RASGRF1: variants seen among roughly 807,000 people sequenced by gnomAD.
RASGRF1 encodes ras-specific guanine nucleotide-releasing factor 1.
A neutral mutation model predicts 138.7 loss-of-function variants in RASGRF1; 40 were observed. That is an observed-to-expected ratio of 0.29 (90% CI 0.22 to 0.38). RASGRF1 has a LOEUF of 0.38. Ranked by LOEUF, RASGRF1 falls within the 10% of genes least tolerant of loss-of-function variation. The pLI is 1.00. For missense variants in RASGRF1, 1,108 were observed against 1,650.4 expected, an observed-to-expected ratio of 0.67 and a Z score of 5.69; for synonymous variants, 614 against 663.2, an observed-to-expected ratio of 0.93 and a Z score of 1.14.
intron 1 of RASGRF1, among the ~76,000 whole-genome samples, chr15:79,069,389 A>G (rs2057724605): frequency 2.6e-5 from 4 of 152,184 alleles, no homozygotes; most frequent in Admixed American, 2.6e-4. Flanking sequence ...ACACAGGCCC[A>G]TGTGGGGATG....
rs2057401465 is a variant in RASGRF1, at chr15:79,049,549, T to C, written c.571A>G (p.Thr191Ala). ...LLKDNERIQS[T>A]QTVAPNDEDS... is the part of the protein sequence containing the mutation. ...TCATCGTTGGGGGCGACAGTCTGGG[T>C]GGACTGGATGCGCTCATTGTCCTTG... Residue 191 changes from threonine (T) to alanine (A), a missense_variant, in exon 4 of 27, where the codon ACC becomes GCC. Thr to Ala is a moderately conservative substitution (Grantham distance 58). Around this residue, in one of 3 missense-constraint regions of RASGRF1, gnomAD observed 253 missense variants for 329.5 expected, o/e 0.77. Coordinates refer to ENST00000558480, the MANE Select transcript of RASGRF1 (RefSeq NM_001145648.3). The C allele has an allele frequency of 1.2e-6, 2 of 1,614,048 alleles. No individual in the cohort carries two copies. The highest frequency in any genetic ancestry group is 1.7e-6 in the Non-Finnish European group (2 of 1,179,998).
intron 15 of RASGRF1, 107 bp from the exon 16 acceptor site, chr15:79,001,894 A>G (rs1047812364): frequency 1.3e-6 from 1 of 797,162 alleles, no homozygotes; most frequent in Middle Eastern, 4.5e-4. Context: ...AAAACAGAGT[A>G]AACTTGGGAT....
At chr15:78,992,808 G>A (rs1249876380) in intron 20 of RASGRF1, among the ~76,000 whole-genome samples, 1 of 152,166 alleles carries the variant, frequency 6.6e-6, no homozygotes, top group African/African-American at 2.4e-5. Context: ...AAGGGAAGTG[G>A]GGCCATCCCT....
At chr15:78,972,095 GTTTTTA>G (rs746659894) in intron 25 of RASGRF1, among the ~76,000 whole-genome samples, 161 bp from the exon 26 acceptor site, 10 of 152,104 alleles carry the variant, frequency 6.6e-5, no homozygotes, top group South Asian at 4.2e-4. Flanking sequence ...ATGTGTGTTT[GTTTTTA>G]TTTTTATTTT....
chr15:79,014,793 T>A (rs1488497785), intron 13 of RASGRF1, among the ~76,000 whole-genome samples: 1 of 151,950 alleles, frequency 6.6e-6, no homozygotes, highest in Non-Finnish European at 1.5e-5. Flanking sequence ...GGCACACGCC[T>A]GTAGTTCCAC....
intron 1 of RASGRF1, 134 bp from the exon 2 acceptor site, chr15:79,064,660 T>C (rs2057652991): frequency 1.2e-6 from 1 of 813,420 alleles, no homozygotes; most frequent in South Asian, 1.5e-5. Context: ...TTTGTGATAA[T>C]CAGAATGCCA....
chr15:79,064,738 G>T (rs755340720), intron 1 of RASGRF1: 21 of 547,906 alleles, frequency 3.8e-5, no homozygotes, highest in Non-Finnish European at 6.8e-5. Flanking sequence ...CCTATGCTTA[G>T]GATATTGTAA....
chr15:79,055,967 C>G (rs1325463830), intron 3 of RASGRF1, among the ~76,000 whole-genome samples: 1 of 152,138 alleles, frequency 6.6e-6, no homozygotes, highest in Non-Finnish European at 1.5e-5. Flanking sequence ...TCCTGCCAGG[C>G]CTGTTGGGGT....
intron 10 of RASGRF1, among the ~76,000 whole-genome samples, chr15:79,024,089 C>T (rs2057009402): frequency 6.6e-6 from 1 of 150,442 alleles, no homozygotes; most frequent in Non-Finnish European, 1.5e-5. Flanking sequence ...ACCACACATA[C>T]ATCACACATA....
chr15:79,013,652 G>T (rs528530043), intron 13 of RASGRF1, among the ~76,000 whole-genome samples: 42 of 152,322 alleles, frequency 2.8e-4, no homozygotes, highest in African/African-American at 1.0e-3. Flanking sequence ...GATGAGCAAG[G>T]CAGGCTCAGA....
At chr15:79,044,011 G>T (rs950527769) in intron 5 of RASGRF1, among the ~76,000 whole-genome samples, 27 of 152,194 alleles carry the variant, frequency 1.8e-4, no homozygotes, top group African/African-American at 6.5e-4. Context: ...GCACTCAGAT[G>T]CACATTTGCC....
chr15:78,961,278 G>A lies in RASGRF1; in HGVS notation c.*866C>T, dbSNP rs1165917557. The A allele has an allele frequency of 6.6e-6, 1 of 152,292 alleles. No individual in the cohort carries two copies. Among genetic ancestry groups the A allele is most frequent in the African/African-American group, 2.4e-5 (1 of 41,564 alleles). 9.4% of individuals were successfully genotyped at this position (152,292 alleles called of 1,614,324 possible). A position where few individuals can be genotyped will look rare whatever the true frequency, so the allele number is the denominator to read the frequency against. ...ACAGTGTGGTACTAATTATCACAAG[G>A]TATACAGACTTAGAGCATCTCAATG... is the stretch of plus-strand genomic sequence containing the variant. On this transcript the variant is annotated 3_prime_UTR_variant, in exon 27 of 27. Transcript: ENST00000558480.
chr15:79,039,296 C>CAAA (rs71148587), intron 5 of RASGRF1, among the ~76,000 whole-genome samples: 4 of 50,356 alleles, frequency 7.9e-5, no homozygotes, highest in East Asian at 5.4e-4. Context: ...GACCCTGTCT[C>CAAA]AAAAAAAAAA....
At position 78,997,499 on chromosome 15, in the gene RASGRF1, G is replaced by A. The variant is rs141372059; in HGVS notation, c.2966+597C>T. 7.2e-3 allele frequency among the ~76,000 whole-genome samples: 1,096 copies of A among 152,238 alleles called. 9 individuals carry two copies. The highest frequency in any genetic ancestry group is 0.011 in the Non-Finnish European group (769 of 68,020). On this transcript the variant is annotated intron_variant, in intron 19 of 26. Transcript: ENST00000558480. ...TGTAATCCCAGCACTTTGGGAGGCC[G>A]AGGTGGGCAGATCGCCTGAGGTCAG...
intron 1 of RASGRF1, among the ~76,000 whole-genome samples, chr15:79,086,911 C>G (rs2057988410): frequency 6.6e-6 from 1 of 152,204 alleles, no homozygotes; most frequent in African/African-American, 2.4e-5. Context: ...AGCACTTGGG[C>G]TTTCAGTGTG....
chr15:78,976,150 C>G (rs2055865875), intron 24 of RASGRF1, among the ~76,000 whole-genome samples: 1 of 152,056 alleles, frequency 6.6e-6, no homozygotes, highest in Non-Finnish European at 1.5e-5. Flanking sequence ...GTCCTCTGAT[C>G]ACTGAGGGTC....
At chr15:79,052,567 A>T (rs1204114064) in intron 3 of RASGRF1, among the ~76,000 whole-genome samples, 1 of 152,174 alleles carries the variant, frequency 6.6e-6, no homozygotes, top group Non-Finnish European at 1.5e-5. Context: ...CCTAAGAAGG[A>T]GGTCAGGCAT....
intron 26 of RASGRF1, among the ~76,000 whole-genome samples, chr15:78,967,776 G>A (rs1249339693): frequency 6.6e-6 from 1 of 152,006 alleles, no homozygotes; most frequent in South Asian, 2.1e-4. Context: ...CAACATATAC[G>A]TATAATCCTT....
Position 79,064,315 on chromosome 15 carries a change from G to A in RASGRF1, c.383+105C>T, listed in dbSNP as rs75945780. On this transcript the variant is annotated intron_variant, in intron 2 of 26. Coordinates refer to ENST00000558480, the MANE Select transcript of RASGRF1 (RefSeq NM_001145648.3). The stretch of plus-strand genomic sequence containing the variant: ...GATGCTTCTCCTCCTCCTTTCCCAT[G>A]CCCTCCACTTCATGGGGCTTGGCTT... 4,320 of 1,048,606 alleles carry A rather than the reference G, an allele frequency of 4.1e-3. 18 individuals are homozygous for A. Among genetic ancestry groups the A allele is most frequent in the Non-Finnish European group, 5.1e-3 (3,564 of 705,654 alleles). 65.0% of individuals were successfully genotyped at this position (1,048,606 alleles called of 1,614,324 possible). A position where few individuals can be genotyped will look rare whatever the true frequency, so the allele number is the denominator to read the frequency against.
Sources: allele counts gnomAD v4.1 joint callset (sites outside exome capture counted in the v4.1 genomes callset), GRCh38; gene constraint gnomAD v4.1.1; regional missense constraint gnomAD v4.1.1; transcripts MANE v1.5; gene names NCBI Gene and HGNC (gene_info 2026-07-23, HGNC 2026-07-21).